Variants in PLCH1 observed in about 807,000 individuals in gnomAD.
PLCH1 encodes the protein 1-phosphatidylinositol 4,5-bisphosphate phosphodiesterase eta-1.
Under a neutral mutation model 126.7 loss-of-function variants are expected in PLCH1, and 60 were observed. The observed-to-expected ratio is 0.47, with a 90% CI of 0.38 to 0.59. PLCH1 has a LOEUF of 0.59. Ranked by LOEUF, PLCH1 falls within the 20% of genes least tolerant of loss-of-function variation. The pLI is 0.00. For synonymous variants in PLCH1, 719 were observed against 734.9 expected (o/e 0.98, Z 0.35); for missense variants, 1,723 against 2,040.0 (o/e 0.84, Z 2.99).
rs899163806 is a variant in PLCH1, at chr3:155,486,352, T to A, written c.2620-642A>T. ...GGATTTTTAGTCTTATGCTCATTCA[T>A]TGTTCAACCAATATCCACTACACTG... is the stretch of plus-strand genomic sequence containing the variant. On this transcript the variant is annotated intron_variant, in intron 21 of 22. Coordinates refer to ENST00000460012, the MANE Select transcript of PLCH1 (RefSeq NM_014996.4). 16 of 597,522 alleles carry A rather than the reference T, an allele frequency of 2.7e-5. No individual in the cohort carries two copies. In the East Asian group the frequency reaches 4.6e-4, roughly 17 times the overall value. The allele number at this position is 597,522 out of a possible 1,614,324, so 37.0% of individuals were successfully genotyped here. A position where few individuals can be genotyped will look rare whatever the true frequency, so the allele number is the denominator to read the frequency against.
intron 2 of PLCH1, among the ~76,000 whole-genome samples, chr3:155,619,780 G>A (rs1189600439): frequency 6.6e-6 from 1 of 151,914 alleles, no homozygotes; most frequent in Admixed American, 6.6e-5. Flanking sequence ...TCCAACCACA[G>A]ACAGTTGGAA....
intron 21 of PLCH1, among the ~76,000 whole-genome samples, chr3:155,487,645 A>G (rs1472159070): frequency 1.3e-5 from 2 of 152,180 alleles, no homozygotes; most frequent in East Asian, 3.9e-4. Flanking sequence ...AGTACAGGTA[A>G]CTCATCAACC....
intron 6 of PLCH1, among the ~76,000 whole-genome samples, chr3:155,573,812 A>G (rs775045805): frequency 1.4e-4 from 21 of 152,216 alleles, no homozygotes; most frequent in Non-Finnish European, 4.4e-5. Context: ...GCAAAGACAC[A>G]TATGTACAGG....
intron 8 of PLCH1, among the ~76,000 whole-genome samples, chr3:155,559,488 G>C (rs1727291591): frequency 6.6e-6 from 1 of 152,040 alleles, no homozygotes; most frequent in Admixed American, 6.6e-5. Flanking sequence ...CAAATGCAAA[G>C]CTGGCCAAGT....
At chr3:155,469,801 C>G (rs1410876987) in intron 21 of PLCH1, among the ~76,000 whole-genome samples, 2 of 151,996 alleles carry the variant, frequency 1.3e-5, no homozygotes, top group East Asian at 3.9e-4. Flanking sequence ...GGGAGGCACC[C>G]CCCAGCAGGG....
chr3:155,572,475 T>C lies in PLCH1; in HGVS notation c.772-4151A>G, dbSNP rs73874847. Among the ~76,000 whole-genome samples the C allele has an allele frequency of 6.8e-3, 1,035 of 152,336 alleles. 12 individuals carry two copies. Among genetic ancestry groups the C allele is most frequent in the African/African-American group, 0.024 (982 of 41,580 alleles). On this transcript the variant is annotated intron_variant, in intron 6 of 22. Coordinates refer to ENST00000460012, the MANE Select transcript of PLCH1 (RefSeq NM_014996.4). ...TTTACAAGCACTCAGGGTTCCACTT[T>C]ATCCTTGGCACTGTGAAATTTCACT...
intron 19 of PLCH1, among the ~76,000 whole-genome samples, chr3:155,490,417 T>C (rs1430232688): frequency 2.0e-5 from 3 of 152,246 alleles, no homozygotes; most frequent in Admixed American, 1.3e-4. Context: ...TCAAGACACA[T>C]AGGCTTCACA....
intron 6 of PLCH1, among the ~76,000 whole-genome samples, chr3:155,577,005 C>T (rs755780908): frequency 5.3e-5 from 8 of 152,236 alleles, no homozygotes; most frequent in Non-Finnish European, 1.0e-4. Context: ...ATGGACACTA[C>T]GTTTGGTGGC....
At chr3:155,640,299 G>A (rs992830608) in intron 2 of PLCH1, among the ~76,000 whole-genome samples, 2 of 152,208 alleles carry the variant, frequency 1.3e-5, no homozygotes, top group African/African-American at 4.8e-5. Context: ...GTGAACCCTG[G>A]TCATCCTTGA....
At chr3:155,460,938 A>T (rs905786508) in intron 21 of PLCH1, among the ~76,000 whole-genome samples, 11 of 152,160 alleles carry the variant, frequency 7.2e-5, no homozygotes, top group Non-Finnish European at 1.5e-4. Flanking sequence ...TTAAGAGTAT[A>T]CCAGTCTAAC....
At chr3:155,675,427 G>A (rs1743993373) in intron 2 of PLCH1, among the ~76,000 whole-genome samples, 1 of 152,204 alleles carries the variant, frequency 6.6e-6, no homozygotes, top group South Asian at 2.1e-4. Flanking sequence ...TCCTGGAGCT[G>A]ACAGGCTGTA....
At chr3:155,488,293 GTTCAAGCAATTCTCCTGCCTCGGC>G (rs1715600027) in intron 20 of PLCH1, among the ~76,000 whole-genome samples, 186 bp from the exon 21 acceptor site, 1 of 152,112 alleles carries the variant, frequency 6.6e-6, no homozygotes. Flanking sequence ...CGCCTCCTGG[GTTCAAGCAATTCTCCTGCCTCGGC>G]TTCCCGAATA....
intron 2 of PLCH1, among the ~76,000 whole-genome samples, chr3:155,606,299 G>A (rs1244136661): frequency 1.3e-5 from 2 of 152,134 alleles, no homozygotes; most frequent in Non-Finnish European, 2.9e-5. Flanking sequence ...GAAAAACAGA[G>A]GAGGAGACCC....
intron 10 of PLCH1, among the ~76,000 whole-genome samples, chr3:155,533,661 AATGTCTACAGGAC>A (rs1410285806): frequency 6.6e-6 from 1 of 152,232 alleles, no homozygotes; most frequent in Non-Finnish European, 1.5e-5. Context: ...CAATGGGGAA[AATGTCTACAGGAC>A]ATGTCAGTAA....
At chr3:155,499,579 T>A (rs1190272274) in intron 14 of PLCH1, among the ~76,000 whole-genome samples, 3 of 152,188 alleles carry the variant, frequency 2.0e-5, no homozygotes, top group Non-Finnish European at 4.4e-5. Context: ...GGCCCTGATA[T>A]CTATTATGGG....
chr3:155,514,922 A>C (rs769660382), intron 11 of PLCH1, 38 bp from the exon 12 acceptor site: 1 of 1,404,630 alleles, frequency 7.1e-7, no homozygotes, highest in South Asian at 1.4e-5. Flanking sequence ...TTTCCTTAAG[A>C]AACACACCGA....
intron 1 of PLCH1, among the ~76,000 whole-genome samples, chr3:155,707,397 C>T (rs358727): frequency 0.19 from 28,769 of 152,030 alleles, 3,064 homozygotes; most frequent in East Asian, 0.43. Flanking sequence ...ATAGAAACAG[C>T]GAAAGACAAG....
chr3:155,626,071 T>C lies in PLCH1; in HGVS notation c.80-29693A>G, dbSNP rs1296914986. Reference sequence around the variant, plus strand: ...CATAAAAAGGATGAGTTCATGTTGTTTGCAGGGACATGGATGAAGCTGGAA... The same window carrying C: ...CATAAAAAGGATGAGTTCATGTTGTCTGCAGGGACATGGATGAAGCTGGAA... On this transcript the variant is annotated intron_variant, in intron 2 of 22. Transcript: ENST00000460012. 3.3e-5 allele frequency among the ~76,000 whole-genome samples: 5 copies of C among 152,174 alleles called. No individual in the cohort carries two copies. The East Asian group carries it at 9.6e-4, about 29-fold the overall frequency.
intron 11 of PLCH1, among the ~76,000 whole-genome samples, chr3:155,518,084 G>A (rs559906143): frequency 6.6e-6 from 1 of 152,310 alleles, no homozygotes; most frequent in South Asian, 2.1e-4. Context: ...ACAAAGGGAT[G>A]ATTCACATCC....
Sources: gnomAD v4.1 joint callset for allele counts (sites outside exome capture counted in the v4.1 genomes callset) on GRCh38, gnomAD v4.1.1 for gene constraint, MANE v1.5 for transcripts, NCBI Gene and HGNC (gene_info 2026-07-23, HGNC 2026-07-21) for gene names.